The following LRRIQ1 variants were observed in gnomAD, a reference collection of about 807,000 sequenced individuals.
LRRIQ1 encodes the protein leucine-rich repeat- and IQ domain-containing protein 1.
Under a neutral mutation model 211.9 loss-of-function variants are expected in LRRIQ1, and 210 were observed. That is an observed-to-expected ratio of 0.99 (90% CI 0.89 to 1.11). LRRIQ1 has a LOEUF of 1.11. LRRIQ1 is among the 50% of genes most tolerant of loss of function. The pLI is 0.00. For missense variants in LRRIQ1, 2,136 were observed against 1,939.5 expected (o/e 1.10, Z -1.90); for synonymous variants, 699 against 650.1 (o/e 1.08, Z -1.14).
intron 11 of LRRIQ1, among the ~76,000 whole-genome samples, chr12:85,081,004 A>G (rs773098152): frequency 3.3e-5 from 5 of 152,082 alleles, no homozygotes; most frequent in Admixed American, 2.0e-4. Flanking sequence ...GTGTAGTTGA[A>G]TCTATACATT....
rs1336790676 is a variant in LRRIQ1 at position 85,196,022 on chromosome 12, T to C, written c.4823-33495T>C. 7.2e-5 allele frequency among the ~76,000 whole-genome samples: 11 copies of C among 152,094 alleles called. No homozygotes were observed. The East Asian group carries it at 2.1e-3, about 30-fold the overall frequency. ...TGTACAAAAATCACAAGCATTCTTA[T>C]ACACCAATAACAGACAAACAGAGAG... is the stretch of plus-strand genomic sequence containing the variant. On this transcript the variant is annotated intron_variant, in intron 24 of 26. Transcript: ENST00000393217.
At chr12:85,217,652 A>G (rs1243127233) in intron 24 of LRRIQ1, among the ~76,000 whole-genome samples, 2 of 137,138 alleles carry the variant, frequency 1.5e-5, no homozygotes, top group Admixed American at 7.2e-5. Flanking sequence ...ATATGTGTAT[A>G]TGTATATATG....
At chr12:85,135,024 A>G (rs1248531160) in intron 18 of LRRIQ1, among the ~76,000 whole-genome samples, 2 of 152,020 alleles carry the variant, frequency 1.3e-5, no homozygotes, top group Non-Finnish European at 2.9e-5. Context: ...ACTATCACCA[A>G]ATATCATATC....
chr12:85,195,367 C>CA (rs200302259), intron 24 of LRRIQ1, among the ~76,000 whole-genome samples: 8,691 of 151,212 alleles, frequency 0.057, 813 homozygotes, highest in African/African-American at 0.2. Context: ...AGACACACAA[C>CA]AAAAAAAAGA....
chr12:85,254,304 C>T (rs1338935040), intron 1 of LRRIQ1, among the ~76,000 whole-genome samples: 1 of 152,122 alleles, frequency 6.6e-6, no homozygotes, highest in Non-Finnish European at 1.5e-5. Context: ...AATGTGAGAA[C>T]AGACTAATAC....
intron 3 of LRRIQ1, among the ~76,000 whole-genome samples, chr12:85,042,978 G>A (rs1879079934): frequency 1.3e-5 from 2 of 152,008 alleles, no homozygotes; most frequent in African/African-American, 2.4e-5. Flanking sequence ...GCTACTTTAG[G>A]CAGTAAGTTT....
At chr12:85,116,121 C>T (rs557582764) in intron 15 of LRRIQ1, among the ~76,000 whole-genome samples, 1 of 152,228 alleles carries the variant, frequency 6.6e-6, no homozygotes, top group East Asian at 1.9e-4. Flanking sequence ...TTGTACTTAG[C>T]AAATTCTTTT....
At chr12:85,044,219 A>G (rs1315954738) in intron 3 of LRRIQ1, among the ~76,000 whole-genome samples, 6 of 152,160 alleles carry the variant, frequency 3.9e-5, no homozygotes, top group Admixed American at 3.9e-4. Context: ...AAACATAACT[A>G]CATCTGCACA....
intron 14 of LRRIQ1, 130 bp from the exon 15 acceptor site, chr12:85,106,392 A>G (rs1161974877): frequency 1.6e-6 from 1 of 634,040 alleles, no homozygotes; most frequent in Non-Finnish European, 2.7e-6. Context: ...AAAAGCATAT[A>G]GCATTCTGCA....
At chr12:85,167,560 G>C (rs185905086) in intron 24 of LRRIQ1, among the ~76,000 whole-genome samples, 10 of 152,256 alleles carry the variant, frequency 6.6e-5, no homozygotes, top group Middle Eastern at 3.4e-3. Flanking sequence ...AAAGATGAAG[G>C]CTGGAAGACT....
intron 26 of LRRIQ1, among the ~76,000 whole-genome samples, chr12:85,239,488 C>T (rs935123284): frequency 1.3e-5 from 2 of 151,564 alleles, no homozygotes; most frequent in African/African-American, 4.9e-5. Context: ...CAGAAAAATA[C>T]CCACACTTGT....
At chr12:85,253,402 C>G (rs1287928083) in intron 1 of LRRIQ1, among the ~76,000 whole-genome samples, 1 of 152,020 alleles carries the variant, frequency 6.6e-6, no homozygotes, top group Admixed American at 6.6e-5. Context: ...ATTCTCAAAT[C>G]TAGAAGTCCC....
chr12:85,135,329 A>G (rs1456494407), intron 18 of LRRIQ1, among the ~76,000 whole-genome samples: 1 of 151,586 alleles, frequency 6.6e-6, no homozygotes, highest in Non-Finnish European at 1.5e-5. Flanking sequence ...TTTTTTTAGC[A>G]AGAATATTTC....
intron 11 of LRRIQ1, among the ~76,000 whole-genome samples, chr12:85,079,788 G>A (rs1013362216): frequency 2.6e-5 from 4 of 151,268 alleles, no homozygotes; most frequent in African/African-American, 9.7e-5. Context: ...CCCTTATTTG[G>A]TTTGACTGAG....
rs1883253906 is a variant in LRRIQ1 at position 85,072,971 on chromosome 12, C to T, written c.2760C>T (p.Thr920=). 5.0e-6 allele frequency: 8 copies of T among 1,612,412 alleles called. No homozygotes were observed. Among genetic ancestry groups the T allele is most frequent in the Non-Finnish European group, 6.8e-6 (8 of 1,179,112 alleles). ...DNAGFCHHLG[T]STSYLSLAQV... ...CAGGGTTCTGCCATCACTTGGGCAC[C>T]TCCACTTCTTACTTATCCCTGGCAC... Residue 920 remains threonine (T), a synonymous_variant, in exon 11 of 27, where the codon ACC becomes ACT. Coordinates refer to ENST00000393217, the MANE Select transcript of LRRIQ1 (RefSeq NM_001079910.2).
chr12:85,185,752 C>A (rs1174153622), intron 24 of LRRIQ1, among the ~76,000 whole-genome samples: 1 of 151,826 alleles, frequency 6.6e-6, no homozygotes, highest in Non-Finnish European at 1.5e-5. Flanking sequence ...CAATTTTATT[C>A]CACATACATT....
Position 85,072,915 on chromosome 12 carries a change from T to G in LRRIQ1, c.2704T>G (p.Phe902Val). 6.2e-7 allele frequency: 1 copy of G among 1,607,578 alleles called. No individual in the cohort carries two copies. Among genetic ancestry groups the G allele is most frequent in the East Asian group, 2.2e-5 (1 of 44,724 alleles). The change falls in exon 11 of 27, where the codon TTC becomes GTC. Residue 902 changes from phenylalanine to valine, a missense_variant. By Grantham distance (50) the Phe-to-Val change is conservative (BLOSUM62 -1). Coordinates refer to ENST00000393217, the MANE Select transcript of LRRIQ1 (RefSeq NM_001079910.2). ...YNKITRIGYS[F>V]FLEEKLVDNA... is the part of the protein sequence containing the mutation. ...TCTGTCATCCTACTCAGGATATTCC[T>G]TCTTTCTGGAAGAAAAACTTGTTGA...
chr12:85,244,743 C>A (rs1316252053), intron 26 of LRRIQ1, 46 bp from the exon 27 acceptor site: 1 of 1,537,880 alleles, frequency 6.5e-7, no homozygotes, highest in African/African-American at 1.4e-5. Flanking sequence ...CAGAAAATGC[C>A]ATATTTTGTT....
intron 24 of LRRIQ1, among the ~76,000 whole-genome samples, chr12:85,191,214 T>C (rs1301651918): frequency 1.3e-5 from 2 of 151,968 alleles, no homozygotes; most frequent in Non-Finnish European, 2.9e-5. Flanking sequence ...ACTCTTGCTG[T>C]TGTGCATTAT....
Sources: gnomAD v4.1 joint callset for allele counts (sites outside exome capture counted in the v4.1 genomes callset) on GRCh38, gnomAD v4.1.1 for gene constraint, MANE v1.5 for transcripts, NCBI Gene and HGNC (gene_info 2026-07-23, HGNC 2026-07-21) for gene names.